Variants in IL1RAPL1 observed in about 807,000 individuals in gnomAD.
IL1RAPL1 encodes interleukin 1 receptor accessory protein like 1, also known as interleukin-1 receptor accessory protein-like 1.
Under a neutral mutation model 48.4 loss-of-function variants are expected in IL1RAPL1, and 3 were observed. That is an observed-to-expected ratio of 0.06 (90% CI 0.03 to 0.16). The LOEUF (loss-of-function observed/expected upper bound fraction) is 0.16, where lower values mean the gene tolerates loss of function less well. Ranked by LOEUF, IL1RAPL1 falls within the 10% of genes least tolerant of loss-of-function variation. The probability of loss-of-function intolerance (pLI) is 1.00; values close to 1 mark genes in which losing one functional copy is unlikely to be tolerated. For missense variants in IL1RAPL1, 349 were observed against 530.6 expected, an observed-to-expected ratio of 0.66 and a Z score of 3.36; for synonymous variants, 185 against 187.7, an observed-to-expected ratio of 0.99 and a Z score of 0.12.
At chrX:29,202,978 C>A (rs574233500) in intron 2 of IL1RAPL1, among the ~76,000 whole-genome samples, 1 of 111,271 alleles carries the variant, frequency 9.0e-6, no homozygotes, top group Non-Finnish European at 1.9e-5. Flanking sequence ...ACCTATATAA[C>A]AAACCTGCAC....
chrX:29,301,759 T>A, intron 3 of IL1RAPL1, among the ~76,000 whole-genome samples: 1 of 110,994 alleles, frequency 9.0e-6, no homozygotes, highest in East Asian at 2.8e-4. Context: ...CATAAAAAAT[T>A]ATCTGTATCA....
At chrX:29,332,863 T>C (rs1480461009) in intron 3 of IL1RAPL1, among the ~76,000 whole-genome samples, 3 of 110,094 alleles carry the variant, frequency 2.7e-5, no homozygotes, top group Non-Finnish European at 3.8e-5. Flanking sequence ...ACGAGCATGC[T>C]GCCTTCAAGC....
intron 2 of IL1RAPL1, among the ~76,000 whole-genome samples, chrX:29,002,469 C>T (rs985009606): frequency 3.7e-5 from 4 of 108,697 alleles, no homozygotes; most frequent in Non-Finnish European, 5.7e-5. Flanking sequence ...GTTACACAGG[C>T]CTGTTCATGT....
chrX:29,507,792 G>A (rs1237064230), intron 5 of IL1RAPL1, among the ~76,000 whole-genome samples: 1 of 110,874 alleles, frequency 9.0e-6, no homozygotes, highest in Non-Finnish European at 1.9e-5. Flanking sequence ...GGAATAAGTA[G>A]GATTTAGCTG....
chrX:29,876,352 C>T (rs1000281391), intron 6 of IL1RAPL1, among the ~76,000 whole-genome samples: 2 of 111,594 alleles, frequency 1.8e-5, no homozygotes, highest in African/African-American at 6.5e-5. Flanking sequence ...AAGGAGTTAG[C>T]TGTACAGAGA....
intron 3 of IL1RAPL1, among the ~76,000 whole-genome samples, chrX:29,300,167 T>G (rs1932510424): frequency 9.0e-6 from 1 of 111,626 alleles, no homozygotes; most frequent in Non-Finnish European, 1.9e-5. Context: ...CCTCAAGTAG[T>G]TCTTTATAGC....
At chrX:29,704,773 G>T (rs1927148369) in intron 6 of IL1RAPL1, among the ~76,000 whole-genome samples, 1 of 111,723 alleles carries the variant, frequency 9.0e-6, no homozygotes, top group African/African-American at 3.3e-5. Context: ...TACTATAAGA[G>T]AAATTTTGTT....
At chrX:28,965,538 G>T (rs1262356266) in intron 2 of IL1RAPL1, among the ~76,000 whole-genome samples, 1 of 111,714 alleles carries the variant, frequency 9.0e-6, no homozygotes, top group Non-Finnish European at 1.9e-5. Flanking sequence ...AGTCTCTAAG[G>T]ACAGCTTCAA....
chrX:28,992,544 G>C (rs1925635937), intron 2 of IL1RAPL1, among the ~76,000 whole-genome samples: 1 of 100,984 alleles, frequency 9.9e-6, no homozygotes, highest in African/African-American at 3.6e-5. Flanking sequence ...AAACTGCCAA[G>C]TATGGTAGAA....
intron 5 of IL1RAPL1, among the ~76,000 whole-genome samples, chrX:29,591,021 C>T (rs1224966673): frequency 8.9e-6 from 1 of 112,278 alleles, no homozygotes; most frequent in Non-Finnish European, 1.9e-5. Flanking sequence ...ATTACACATC[C>T]TCGAGGCATG....
At chrX:29,800,843 A>T in intron 6 of IL1RAPL1, among the ~76,000 whole-genome samples, 1 of 96,999 alleles carries the variant, frequency 1.0e-5, no homozygotes, top group Middle Eastern at 4.9e-3. Context: ...AAAAAAAAAA[A>T]AAAAAAATTA....
At chrX:28,722,044 G>A (rs1465197429) in intron 1 of IL1RAPL1, among the ~76,000 whole-genome samples, 1 of 111,611 alleles carries the variant, frequency 9.0e-6, no homozygotes, top group South Asian at 3.7e-4. Flanking sequence ...CTCCAGCTTT[G>A]TTCTTTTGGC....
chrX:29,615,338 C>T (rs1924253956), intron 5 of IL1RAPL1, among the ~76,000 whole-genome samples: 1 of 110,006 alleles, frequency 9.1e-6, no homozygotes, highest in Non-Finnish European at 1.9e-5. Flanking sequence ...CAAAAATATC[C>T]ATTGCTTGTG....
At chrX:28,648,871 A>G (rs1342932417) in intron 1 of IL1RAPL1, among the ~76,000 whole-genome samples, 1 of 112,062 alleles carries the variant, frequency 8.9e-6, no homozygotes, top group Non-Finnish European at 1.9e-5. Context: ...AGTGGGATAC[A>G]AAGTTACATT....
intron 5 of IL1RAPL1, among the ~76,000 whole-genome samples, chrX:29,504,030 G>A (rs761219323): frequency 9.6e-6 from 1 of 104,180 alleles, no homozygotes; most frequent in East Asian, 3.0e-4. Flanking sequence ...GCGTGATCTC[G>A]ACTCACTGCA....
chrX:29,776,019 A>C (rs763473980), intron 6 of IL1RAPL1, among the ~76,000 whole-genome samples: 1 of 110,499 alleles, frequency 9.0e-6, no homozygotes, highest in East Asian at 2.8e-4. Flanking sequence ...CTTCTCCTAC[A>C]CTCAACCCTC....
intron 5 of IL1RAPL1, among the ~76,000 whole-genome samples, chrX:29,529,111 T>C (rs2147777281): frequency 9.0e-6 from 1 of 111,098 alleles, no homozygotes; most frequent in South Asian, 3.8e-4. Context: ...TGGTCTGTAG[T>C]TTTAAAAAAA....
intron 2 of IL1RAPL1, among the ~76,000 whole-genome samples, chrX:28,944,402 C>T (rs777216737): frequency 8.1e-5 from 9 of 110,670 alleles, no homozygotes; most frequent in Non-Finnish European, 1.5e-4. Context: ...TTTTATGAAC[C>T]GATCTCATAT....
intron 6 of IL1RAPL1, among the ~76,000 whole-genome samples, chrX:29,844,701 A>G (rs918980078): frequency 8.9e-6 from 1 of 112,614 alleles, no homozygotes; most frequent in African/African-American, 3.2e-5. Flanking sequence ...GAATGTGCAT[A>G]GGTTATGTGC....
Sources: gnomAD v4.1 joint callset for allele counts (sites outside exome capture counted in the v4.1 genomes callset) on GRCh38, gnomAD v4.1.1 for gene constraint, MANE v1.5 for transcripts, NCBI Gene and HGNC (gene_info 2026-07-23, HGNC 2026-07-21) for gene names.